The following SETD1A variants were observed in gnomAD, a reference collection of about 807,000 sequenced individuals.
SETD1A encodes histone-lysine N-methyltransferase SETD1A.
Under a neutral mutation model 149.9 loss-of-function variants are expected in SETD1A, and 29 were observed. The observed-to-expected ratio is 0.19, with a 90% CI of 0.14 to 0.26. The LOEUF (loss-of-function observed/expected upper bound fraction) is 0.26. Among genes scored for constraint, SETD1A ranks in the 10% least tolerant of loss-of-function variants. The pLI is 1.00. For synonymous variants in SETD1A, 1,141 were observed against 968.5 expected, an observed-to-expected ratio of 1.18 and a Z score of -3.31; for missense variants, 2,109 against 2,353.1, an observed-to-expected ratio of 0.90 and a Z score of 2.15.
At chr16:30,958,467 G>A in intron 1 of SETD1A, 4 of 473,376 alleles carry the variant, frequency 8.4e-6, no homozygotes, top group Non-Finnish European at 1.5e-5. Context: ...GCGCTAGGGA[G>A]AGCGGGAAGG....
Position 30,966,176 on chromosome 16 carries a change from G to C in SETD1A, c.2295G>C (p.Ser765=). The change falls in exon 8 of 19, where the codon TCG becomes TCC. Residue 765 remains serine (S), a synonymous_variant. Coordinates refer to ENST00000262519, the MANE Select transcript of SETD1A (RefSeq NM_014712.3). ...AGCCCCTGCCCTCCTCCTCAGTCTC[G>C]GGAGAGGAGGCCCGGCTGCCACCCA... is the stretch of plus-strand genomic sequence containing the variant. ...AAEPLPSSSV[S]GEEARLPPRE... 6.2e-7 allele frequency: 1 copy of C among 1,611,518 alleles called. No homozygotes were observed. Among genetic ancestry groups the C allele is most frequent in the Non-Finnish European group, 8.5e-7 (1 of 1,178,914 alleles).
In SETD1A at chr16:30,967,514, A is replaced by C; in HGVS notation, c.2696A>C (p.Glu899Ala). 6.2e-7 allele frequency: 1 copy of C among 1,613,968 alleles called. No homozygotes were observed. The highest frequency in any genetic ancestry group is 8.5e-7 in the Non-Finnish European group (1 of 1,179,950). The part of the protein sequence containing the change: ...RLPSFKVKRK[E>A]PSEISEASEE... ...CCCATCCCCCAGGTAAAGCGGAAAG[A>C]GCCATCGGAAATTTCCGAGGCCAGT... is the stretch of plus-strand genomic sequence containing the variant. Residue 899 changes from glutamate to alanine, a missense_variant, in exon 10 of 19, where the codon GAG becomes GCG. By Grantham distance (107) the Glu-to-Ala change is moderately radical. This residue lies in a region of SETD1A where 832 missense variants were observed against 815.6 expected (regional missense o/e 1.02). Coordinates refer to ENST00000262519, the MANE Select transcript of SETD1A (RefSeq NM_014712.3).
chr16:30,959,752 CTTT>C (rs10577465), intron 3 of SETD1A, among the ~76,000 whole-genome samples: 2 of 96,246 alleles, frequency 2.1e-5, no homozygotes, highest in Non-Finnish European at 2.5e-5. Flanking sequence ...TCTTCTTCTT[CTTT>C]TTTTTTTTTT....
In SETD1A at chr16:30,980,085, G is replaced by A. The variant is rs544726552; in HGVS notation, c.4299G>A (p.Ser1433=). ...CCATCCTGTATGACATTTGGAACTC[G>A]GGCCTGGACTCAGAGGACATGAGTT... ...QMTILYDIWN[S]GLDSEDMSYL... The change falls in exon 14 of 19, where the codon TCG becomes TCA. Residue 1433 remains serine, a synonymous_variant. Transcript: ENST00000262519. The surrounding 1 kb of genome is among the most constrained non-coding windows in gnomAD (Gnocchi z 7.7). The A allele has an allele frequency of 5.2e-5, 84 of 1,608,834 alleles. No homozygotes were observed. In the South Asian group the frequency reaches 8.6e-4, roughly 16 times the overall value.
At chr16:30,969,961 TTTGTTGTTG>T (rs905156684) in intron 12 of SETD1A, among the ~76,000 whole-genome samples, 1 of 152,026 alleles carries the variant, frequency 6.6e-6, no homozygotes, top group Admixed American at 6.6e-5. Context: ...TGTTTTGTTT[TTTGTTGTTG>T]TTGTTGTTGT....
intron 5 of SETD1A, 100 bp from the exon 6 acceptor site, chr16:30,963,991 CAAA>C (rs370118124): frequency 1.6e-4 from 129 of 802,818 alleles, no homozygotes; most frequent in Middle Eastern, 2.7e-4. Context: ...GACTCCGTCT[CAAA>C]AAAAAAAAAA....
intron 4 of SETD1A, among the ~76,000 whole-genome samples, chr16:30,962,801 C>T (rs938964233): frequency 2.6e-5 from 4 of 152,180 alleles, no homozygotes; most frequent in African/African-American, 4.8e-5. Flanking sequence ...AACAAAAATC[C>T]GGACGTGGTG....
In SETD1A at chr16:30,964,268, C is replaced by G; in HGVS notation, c.814C>G (p.Pro272Ala). 6.2e-7 allele frequency: 1 copy of G among 1,614,044 alleles called. No homozygotes were observed. Among genetic ancestry groups the G allele is most frequent in the Non-Finnish European group, 8.5e-7 (1 of 1,179,952 alleles). The change falls in exon 6 of 19, where the codon CCC becomes GCC. Residue 272 changes from proline (P) to alanine (A), a missense_variant. By Grantham distance (27) the Pro-to-Ala change is conservative. Coordinates refer to ENST00000262519, the MANE Select transcript of SETD1A (RefSeq NM_014712.3). ...CACACCTCAGTCCTCCCAAGGAACC[C>G]CCTACACGTCTCGGGGCAGCACCCC... ...QFTPQSSQGT[P>A]YTSRGSTPYS...
rs1175525942 is a variant in SETD1A, at chr16:30,965,428, C to G, written c.1686C>G (p.Thr562=). The G allele has an allele frequency of 5.0e-6, 8 of 1,602,030 alleles. No individual in the cohort carries two copies. The highest frequency in any genetic ancestry group is 6.8e-6 in the Non-Finnish European group (8 of 1,171,296). The change falls in exon 7 of 19, where the codon ACC becomes ACG. Residue 562 remains threonine, a synonymous_variant. Transcript: ENST00000262519. ...APTGSGEPGA[T]RESPKANGQN... Reference sequence around the variant, plus strand: ...CAGGGAGCGGGGAGCCAGGGGCTACCCGGGAGTCTCCCAAGGCAAATGGAC... The same window carrying G: ...CAGGGAGCGGGGAGCCAGGGGCTACGCGGGAGTCTCCCAAGGCAAATGGAC...
At chr16:30,978,140 G>T (rs1259038744) in intron 13 of SETD1A, among the ~76,000 whole-genome samples, 1 of 152,044 alleles carries the variant, frequency 6.6e-6, no homozygotes, top group Non-Finnish European at 1.5e-5. Flanking sequence ...TGGGTGTGGT[G>T]GTGCATGCCT....
Position 30,973,452 on chromosome 16 carries a change from G to A in SETD1A, c.3358+1733G>A, listed in dbSNP as rs2056249589. ...GCAGATCACTTGAGGTCAGGAGTTC[G>A]AGACCGGCCTGATCAACATGGCGAA... On this transcript the variant is annotated intron_variant, in intron 13 of 18. Coordinates refer to ENST00000262519, the MANE Select transcript of SETD1A (RefSeq NM_014712.3). Among the ~76,000 whole-genome samples the A allele has an allele frequency of 2.0e-5, 3 of 152,180 alleles. No homozygotes were observed. The East Asian group carries it at 5.8e-4, about 29-fold the overall frequency.
chr16:30,965,692 C>T lies in SETD1A; in HGVS notation c.1811C>T (p.Pro604Leu). Residue 604 changes from proline (P) to leucine (L), a missense_variant, in exon 8 of 19, where the codon CCT becomes CTT. Physicochemically the swap from Pro to Leu is moderately conservative, Grantham distance 98. Around this residue, in one of 8 missense-constraint regions of SETD1A, gnomAD observed 431 missense variants for 388.6 expected, o/e 1.11. Coordinates refer to ENST00000262519, the MANE Select transcript of SETD1A (RefSeq NM_014712.3). ...PPPAPTPPQQ[P>L]PPPPPPPPPP... ...CCGGCCCCGACGCCCCCTCAGCAGCCTCCGCCACCTCCCCCTCCCCCGCCG... is the reference window on the plus strand; with the variant it reads ...CCGGCCCCGACGCCCCCTCAGCAGCTTCCGCCACCTCCCCCTCCCCCGCCG... 4 of 1,600,850 alleles carry T rather than the reference C, an allele frequency of 2.5e-6. No homozygotes were observed. The highest frequency in any genetic ancestry group is 3.4e-6 in the Non-Finnish European group (4 of 1,173,736).
intron 16 of SETD1A, 44 bp from the exon 17 acceptor site, chr16:30,981,017 G>A: frequency 1.2e-6 from 2 of 1,611,914 alleles, no homozygotes; most frequent in Non-Finnish European, 1.7e-6. Context: ...AGGGTCTGGG[G>A]TGTGGGAGGT....
rs2056222286 is a variant in SETD1A, at chr16:30,971,418, G to C, written c.3057G>C (p.Leu1019=). 6.2e-7 allele frequency: 1 copy of C among 1,610,124 alleles called. No individual in the cohort carries two copies. Among genetic ancestry groups the C allele is most frequent in the South Asian group, 1.1e-5 (1 of 90,756 alleles). The change falls in exon 13 of 19, where the codon CTG becomes CTC. Residue 1019 remains leucine (L), a synonymous_variant. Transcript: ENST00000262519. The part of the protein sequence containing the change: ...EESDSSSKCS[L]YADSDGENDS... The stretch of plus-strand genomic sequence containing the variant: ...GCGATTCGTCTTCCAAATGTTCTCT[G>C]TATGCTGACTCAGATGGCGAAAATG...
chr16:30,984,143 GT>G lies in SETD1A; in HGVS notation c.*122del. The G allele has an allele frequency of 9.9e-7, 1 of 1,012,932 alleles. No individual in the cohort carries two copies. The highest frequency in any genetic ancestry group is 1.4e-6 in the Non-Finnish European group (1 of 716,430). The allele number at this position is 1,012,932 out of a possible 1,614,324, so 62.7% of individuals were successfully genotyped here. A position where few individuals can be genotyped will look rare whatever the true frequency, so the allele number is the denominator to read the frequency against. The stretch of plus-strand genomic sequence containing the variant: ...ACATGCCCCCATCTCCAAGCGTGGG[GT>G]TGGGGGCCCCAAGCCCAGCGAGGGA... On this transcript the variant is annotated 3_prime_UTR_variant, in exon 19 of 19. Coordinates refer to ENST00000262519, the MANE Select transcript of SETD1A (RefSeq NM_014712.3).
rs778312766 is a variant in SETD1A at position 30,979,936 on chromosome 16, G to C, written c.4150G>C (p.Asp1384His). Reference sequence around the variant, plus strand: ...GTCCTCTGACAGCAGCAGCAGCAGCGATGGGGAGGGCGCCCTCCGGAGGCG... The same window carrying C: ...GTCCTCTGACAGCAGCAGCAGCAGCCATGGGGAGGGCGCCCTCCGGAGGCG... ...EESSDSSSSSDGEGALRRRSL... is the reference protein window; with the variant it reads ...EESSDSSSSSHGEGALRRRSL... The change falls in exon 14 of 19, where the codon GAT (aspartate) becomes CAT (histidine). Residue 1384 changes from aspartate to histidine, a missense_variant. By Grantham distance (81) the Asp-to-His change is moderately conservative. Around this residue, in one of 8 missense-constraint regions of SETD1A, gnomAD observed 832 missense variants for 815.6 expected, o/e 1.02. Transcript: ENST00000262519. 6.5e-7 allele frequency: 1 copy of C among 1,534,190 alleles called. No homozygotes were observed. Among genetic ancestry groups the C allele is most frequent in the Non-Finnish European group, 8.7e-7 (1 of 1,144,958 alleles).
In SETD1A at chr16:30,965,296, C is replaced by T; in HGVS notation, c.1554C>T (p.Ser518=). 6.2e-7 allele frequency: 1 copy of T among 1,614,236 alleles called. No individual in the cohort carries two copies. Among genetic ancestry groups the T allele is most frequent in the Middle Eastern group, 1.6e-4 (1 of 6,062 alleles). The change falls in exon 7 of 19, where the codon AGC becomes AGT. Residue 518 remains serine (S), a synonymous_variant. Coordinates refer to ENST00000262519, the MANE Select transcript of SETD1A (RefSeq NM_014712.3). ...SDTEEEEENS[S]MVLGARDTGS... is the part of the protein sequence containing the mutation. ...CAGAGGAGGAGGAAGAGAACAGCAGCATGGTCCTTGGGGCCAGAGATACAG... is the reference window on the plus strand; with the variant it reads ...CAGAGGAGGAGGAAGAGAACAGCAGTATGGTCCTTGGGGCCAGAGATACAG...
rs754999216 is a variant in SETD1A, at chr16:30,980,131, C to G, written c.4345C>G (p.Arg1449Gly). The change falls in exon 14 of 19, where the codon CGG becomes GGG. Residue 1449 changes from arginine (R) to glycine (G), a missense_variant. Transcript: ENST00000262519. The surrounding 1 kb of genome is among the most constrained non-coding windows in gnomAD (Gnocchi z 7.7). Reference sequence around the variant, plus strand: ...GAGTTACCTGCGGCTTACGTACGAGCGGCTGCTGCAGCAGACAAGCGGGGC... The same window carrying G: ...GAGTTACCTGCGGCTTACGTACGAGGGGCTGCTGCAGCAGACAAGCGGGGC... ...DMSYLRLTYERLLQQTSGADW... is the reference protein window; with the variant it reads ...DMSYLRLTYEGLLQQTSGADW... 4 of 1,611,706 alleles carry G rather than the reference C, an allele frequency of 2.5e-6. No homozygotes were observed. The African/African-American group carries it at 5.3e-5, about 22-fold the overall frequency.
In SETD1A at chr16:30,983,529, G is replaced by GC. The variant is rs1567366899; in HGVS notation, c.4813-105dup. The GC allele has an allele frequency of 7.6e-7, 1 of 1,316,202 alleles. No homozygotes were observed. The allele number at this position is 1,316,202 out of a possible 1,614,324, so 81.5% of individuals were successfully genotyped here. On this transcript the variant is annotated intron_variant, in intron 17 of 18. Coordinates refer to ENST00000262519, the MANE Select transcript of SETD1A (RefSeq NM_014712.3). The surrounding 1 kb of genome is among the most constrained non-coding windows in gnomAD (Gnocchi z 6.8). ...GTTAGCGGGAGCTGGAGGCAGAGCTGCAGCTCCAGGCCTGGTGGGCGTGGA... is the reference window on the plus strand; with the variant it reads ...GTTAGCGGGAGCTGGAGGCAGAGCTGCCAGCTCCAGGCCTGGTGGGCGTGGA...
Sources: allele counts gnomAD v4.1 joint callset (sites outside exome capture counted in the v4.1 genomes callset), GRCh38; gene constraint gnomAD v4.1.1; regional missense constraint gnomAD v4.1.1; non-coding constraint Gnocchi (gnomAD v3.1); transcripts MANE v1.5; gene names NCBI Gene and HGNC (gene_info 2026-07-23, HGNC 2026-07-21).